GPC6: variants seen among roughly 807,000 people sequenced by gnomAD.
GPC6 encodes the protein glypican 6.
In GPC6, 14 loss-of-function variants were observed where a neutral mutation model predicts 55.2. That is an observed-to-expected ratio of 0.25 (90% CI 0.17 to 0.40). The LOEUF is 0.40. Among genes scored for constraint, GPC6 ranks in the 10% least tolerant of loss-of-function variants. GPC6 has a pLI of 1.00. For missense variants in GPC6, 641 were observed against 708.5 expected (o/e 0.90, Z 1.08); for synonymous variants, 278 against 259.6 (o/e 1.07, Z -0.68).
intron 1 of GPC6, among the ~76,000 whole-genome samples, chr13:93,372,730 C>T (rs4771874): frequency 0.35 from 52,539 of 151,942 alleles, 9,715 homozygotes; most frequent in East Asian, 0.71. Context: ...ATTATGGAGT[C>T]TATTAGAAAG....
intron 2 of GPC6, among the ~76,000 whole-genome samples, chr13:93,565,732 A>T (rs1272497806): frequency 1.3e-5 from 2 of 151,828 alleles, no homozygotes; most frequent in Non-Finnish European, 2.9e-5. Flanking sequence ...GACAAGCCTG[A>T]CCAACATAGT....
At chr13:93,752,691 G>A (rs1162510161) in intron 2 of GPC6, among the ~76,000 whole-genome samples, 1 of 152,090 alleles carries the variant, frequency 6.6e-6, no homozygotes, top group Non-Finnish European at 1.5e-5. Context: ...CCAGAAACGT[G>A]TTCTCTGCTG....
At chr13:93,881,426 A>G (rs1218008434) in intron 3 of GPC6, among the ~76,000 whole-genome samples, 1 of 152,044 alleles carries the variant, frequency 6.6e-6, no homozygotes, top group Non-Finnish European at 1.5e-5. Context: ...CCTAAATTAT[A>G]TTGGAAGCTA....
At chr13:94,183,625 T>C (rs1889071591) in intron 4 of GPC6, among the ~76,000 whole-genome samples, 1 of 152,196 alleles carries the variant, frequency 6.6e-6, no homozygotes, top group Non-Finnish European at 1.5e-5. Context: ...GTTTAACTTT[T>C]CATGAAACCA....
At chr13:93,884,425 A>C (rs1875199011) in intron 3 of GPC6, among the ~76,000 whole-genome samples, 1 of 152,082 alleles carries the variant, frequency 6.6e-6, no homozygotes, top group Non-Finnish European at 1.5e-5. Flanking sequence ...AGTCATGTTT[A>C]AGTAAGCTAT....
chr13:93,945,272 T>C (rs1239020824), intron 3 of GPC6, among the ~76,000 whole-genome samples: 1 of 152,216 alleles, frequency 6.6e-6, no homozygotes, highest in Non-Finnish European at 1.5e-5. Flanking sequence ...ATATAGTCAA[T>C]TGATTGTCAT....
At chr13:94,138,222 T>C (rs998457596) in intron 4 of GPC6, among the ~76,000 whole-genome samples, 1 of 152,166 alleles carries the variant, frequency 6.6e-6, no homozygotes, top group Non-Finnish European at 1.5e-5. Flanking sequence ...TTAAGTATAA[T>C]GCAAATATTC....
At chr13:94,143,242 C>A (rs1223032117) in intron 4 of GPC6, among the ~76,000 whole-genome samples, 1 of 151,722 alleles carries the variant, frequency 6.6e-6, no homozygotes, top group African/African-American at 2.4e-5. Flanking sequence ...CTTTGTAGTA[C>A]TTTGTAGGAA....
At chr13:94,064,332 A>G (rs186617991) in intron 4 of GPC6, among the ~76,000 whole-genome samples, 15 of 152,012 alleles carry the variant, frequency 9.9e-5, no homozygotes, top group African/African-American at 3.4e-4. Flanking sequence ...TTTAATCCCC[A>G]TTTTCCTCTA....
At chr13:93,688,589 T>C (rs371763618) in intron 2 of GPC6, among the ~76,000 whole-genome samples, 1 of 151,990 alleles carries the variant, frequency 6.6e-6, no homozygotes, top group East Asian at 1.9e-4. Context: ...GATTCAGCTA[T>C]AAAAAGGCAG....
intron 6 of GPC6, among the ~76,000 whole-genome samples, chr13:94,319,832 A>G (rs941596228): frequency 2.0e-5 from 3 of 152,294 alleles, no homozygotes; most frequent in Middle Eastern, 3.4e-3. Flanking sequence ...TAATTTCGTC[A>G]TAATGTGTAG....
At chr13:93,644,478 G>A (rs1653473455) in intron 2 of GPC6, among the ~76,000 whole-genome samples, 1 of 151,916 alleles carries the variant, frequency 6.6e-6, no homozygotes, top group African/African-American at 2.4e-5. Flanking sequence ...AACAAATTAT[G>A]GCGTTTCCAC....
intron 4 of GPC6, among the ~76,000 whole-genome samples, chr13:94,172,256 T>C (rs2138931466): frequency 6.6e-6 from 1 of 151,634 alleles, no homozygotes. Context: ...CAAATAAAAA[T>C]GCGTATCTCA....
chr13:93,486,869 A>C (rs911457166), intron 1 of GPC6, among the ~76,000 whole-genome samples: 4 of 151,290 alleles, frequency 2.6e-5, no homozygotes, highest in Admixed American at 6.6e-5. Flanking sequence ...AGCTTGAACC[A>C]GGGAGTTGGA....
At chr13:93,654,938 G>A (rs1880589082) in intron 2 of GPC6, among the ~76,000 whole-genome samples, 1 of 148,460 alleles carries the variant, frequency 6.7e-6, no homozygotes. Flanking sequence ...CCGGGTTCAC[G>A]CCATTCTCCT....
intron 2 of GPC6, among the ~76,000 whole-genome samples, chr13:93,734,361 A>G (rs1268433570): frequency 2.0e-5 from 3 of 152,178 alleles, no homozygotes; most frequent in African/African-American, 7.2e-5. Context: ...CCCTTAAACA[A>G]AAGCTGCAGC....
At chr13:94,047,710 C>G (rs1345297013) in intron 4 of GPC6, among the ~76,000 whole-genome samples, 1 of 152,098 alleles carries the variant, frequency 6.6e-6, no homozygotes, top group African/African-American at 2.4e-5. Context: ...ACAGATTTAA[C>G]CAGTCTAACT....
chr13:94,198,229 T>C (rs1390095525), intron 4 of GPC6, among the ~76,000 whole-genome samples: 2 of 152,130 alleles, frequency 1.3e-5, no homozygotes, highest in Non-Finnish European at 2.9e-5. Flanking sequence ...AGGTTGTATA[T>C]AATGAAAAGG....
chr13:93,474,627 T>A (rs1415343594), intron 1 of GPC6, among the ~76,000 whole-genome samples: 1 of 152,080 alleles, frequency 6.6e-6, no homozygotes, highest in African/African-American at 2.4e-5. Context: ...AGGGAAAAAA[T>A]TCCAAACTCA....
Sources: allele counts gnomAD v4.1 joint callset (sites outside exome capture counted in the v4.1 genomes callset), GRCh38; gene constraint gnomAD v4.1.1; transcripts MANE v1.5; gene names NCBI Gene and HGNC (gene_info 2026-07-23, HGNC 2026-07-21).